The following PPM1E variants were observed in gnomAD, a reference collection of about 807,000 sequenced individuals.
PPM1E encodes the protein protein phosphatase 1E.
Under a neutral mutation model 65.9 loss-of-function variants are expected in PPM1E, and 20 were observed. The observed-to-expected ratio is 0.30, with a 90% CI of 0.21 to 0.44. The LOEUF is 0.44. Ranked by LOEUF, PPM1E falls within the 20% of genes least tolerant of loss-of-function variation. The pLI, the probability that PPM1E is intolerant of heterozygous loss-of-function variation, is 1.00. For synonymous variants in PPM1E, 352 were observed against 374.9 expected (o/e 0.94, Z 0.70); for missense variants, 713 against 953.1 (o/e 0.75, Z 3.32).
intron 1 of PPM1E, among the ~76,000 whole-genome samples, chr17:58,793,869 G>A (rs1246582340): frequency 6.6e-6 from 1 of 151,482 alleles, no homozygotes; most frequent in African/African-American, 2.4e-5. Context: ...TTTGCGACAG[G>A]GTTTCACTCT....
chr17:58,838,684 C>G (rs183356750), intron 1 of PPM1E, among the ~76,000 whole-genome samples: 1 of 152,152 alleles, frequency 6.6e-6, no homozygotes, highest in Non-Finnish European at 1.5e-5. Context: ...ATAGACATAC[C>G]CAGTTGAGTT....
intron 1 of PPM1E, among the ~76,000 whole-genome samples, chr17:58,868,269 A>G (rs2051028026): frequency 1.3e-5 from 2 of 152,224 alleles, no homozygotes; most frequent in Non-Finnish European, 2.9e-5. Flanking sequence ...CAGTGAGCCA[A>G]GATTGCACTA....
chr17:58,924,082 CT>C (rs2051792108), intron 1 of PPM1E, among the ~76,000 whole-genome samples: 2 of 151,610 alleles, frequency 1.3e-5, no homozygotes, highest in Non-Finnish European at 2.9e-5. Flanking sequence ...CCATGCCTGG[CT>C]AATTTTTGTA....
intron 1 of PPM1E, among the ~76,000 whole-genome samples, chr17:58,874,225 C>T (rs2051104754): frequency 6.6e-6 from 1 of 152,008 alleles, no homozygotes; most frequent in African/African-American, 2.4e-5. Flanking sequence ...GGTTGGGGCA[C>T]AAAAATAGAG....
Position 58,756,031 on chromosome 17 carries a change from C to G in PPM1E, c.34C>G (p.Arg12Gly). Reference protein sequence around the residue: ...AGCIPEEKTYRRFLELFLGEF... With the variant: ...AGCIPEEKTYGRFLELFLGEF... ...CTGCATCCCTGAGGAGAAAACTTAC[C>G]GGCGCTTCCTGGAGCTATTCCTGGG... Residue 12 changes from arginine to glycine, a missense_variant, in exon 1 of 7, where the codon CGG becomes GGG. By Grantham distance (125) the Arg-to-Gly change is moderately radical. Transcript: ENST00000308249. 6.2e-7 allele frequency: 1 copy of G among 1,614,024 alleles called. No homozygotes were observed. The highest frequency in any genetic ancestry group is 2.2e-5 in the East Asian group (1 of 44,856).
At chr17:58,895,703 C>T (rs987167193) in intron 1 of PPM1E, among the ~76,000 whole-genome samples, 42 of 151,980 alleles carry the variant, frequency 2.8e-4, no homozygotes, top group African/African-American at 9.2e-4. Flanking sequence ...CTCAGCTACT[C>T]GGGAGGCTTA....
intron 1 of PPM1E, among the ~76,000 whole-genome samples, chr17:58,781,830 G>A (rs927019334): frequency 6.6e-6 from 1 of 151,792 alleles, no homozygotes; most frequent in Non-Finnish European, 1.5e-5. Context: ...AGGTTGCAGT[G>A]AGCCAAGATC....
At chr17:58,843,110 C>T (rs1330407788) in intron 1 of PPM1E, among the ~76,000 whole-genome samples, 1 of 151,798 alleles carries the variant, frequency 6.6e-6, no homozygotes, top group Non-Finnish European at 1.5e-5. Flanking sequence ...ATGGCGAAAC[C>T]TTGTCTCTAC....
intron 1 of PPM1E, among the ~76,000 whole-genome samples, chr17:58,835,223 CCCAG>C (rs2050643322): frequency 1.3e-5 from 2 of 152,042 alleles, no homozygotes; most frequent in African/African-American, 4.8e-5. Flanking sequence ...TGCCTGTAGT[CCCAG>C]CTACTGGGGA....
chr17:58,821,363 G>T (rs532701298), intron 1 of PPM1E, among the ~76,000 whole-genome samples: 2 of 152,300 alleles, frequency 1.3e-5, no homozygotes, highest in South Asian at 4.1e-4. Context: ...GCCCGTCTCG[G>T]CCTCCCAAAG....
chr17:58,910,010 CT>C (rs2051607788), intron 1 of PPM1E, among the ~76,000 whole-genome samples: 1 of 127,614 alleles, frequency 7.8e-6, no homozygotes, highest in Non-Finnish European at 1.6e-5. Context: ...TCAAGTGATT[CT>C]CCTGCCTCAG....
At chr17:58,875,818 C>A (rs1254901270) in intron 1 of PPM1E, among the ~76,000 whole-genome samples, 1 of 152,034 alleles carries the variant, frequency 6.6e-6, no homozygotes, top group Non-Finnish European at 1.5e-5. Flanking sequence ...GAAAACACAG[C>A]TCATCAAAGA....
At chr17:58,945,984 T>C (rs1418809910) in intron 1 of PPM1E, among the ~76,000 whole-genome samples, 1 of 152,114 alleles carries the variant, frequency 6.6e-6, no homozygotes, top group Non-Finnish European at 1.5e-5. Flanking sequence ...AAATAATTAT[T>C]AAGTCAATCT....
At chr17:58,858,489 T>A (rs2050906482) in intron 1 of PPM1E, among the ~76,000 whole-genome samples, 1 of 152,122 alleles carries the variant, frequency 6.6e-6, no homozygotes, top group South Asian at 2.1e-4. Flanking sequence ...GCCTCTAATA[T>A]TTTCTGTTCC....
intron 1 of PPM1E, among the ~76,000 whole-genome samples, chr17:58,946,939 T>C (rs2052159169): frequency 6.6e-6 from 1 of 152,020 alleles, no homozygotes; most frequent in South Asian, 2.1e-4. Flanking sequence ...AGTTTTCTTT[T>C]AGGAGTTTTA....
chr17:58,870,695 T>C (rs1004030273), intron 1 of PPM1E, among the ~76,000 whole-genome samples: 1 of 152,178 alleles, frequency 6.6e-6, no homozygotes, highest in African/African-American at 2.4e-5. Flanking sequence ...TTGGCCACTG[T>C]AATTTGGGGT....
intron 1 of PPM1E, among the ~76,000 whole-genome samples, chr17:58,864,255 C>T (rs937645876): frequency 1.3e-5 from 2 of 152,116 alleles, no homozygotes; most frequent in Non-Finnish European, 2.9e-5. Context: ...CTTTTGTCCA[C>T]GACAAGTTCT....
Position 58,970,517 on chromosome 17 carries a change from C to T in PPM1E, c.972+790C>T, listed in dbSNP as rs76524595. On this transcript the variant is annotated intron_variant, in intron 4 of 6. Coordinates refer to ENST00000308249, the MANE Select transcript of PPM1E (RefSeq NM_014906.5). Reference sequence around the variant, plus strand: ...TCCTGCCCTGTGACTTAAACATTAACTCTTTTTAAAATGGGCTTGGAGAGA... The same window carrying T: ...TCCTGCCCTGTGACTTAAACATTAATTCTTTTTAAAATGGGCTTGGAGAGA... Among the ~76,000 whole-genome samples the T allele has an allele frequency of 2.6e-3, 401 of 152,218 alleles. 13 individuals are homozygous for T. The East Asian group carries it at 0.071, about 27-fold the overall frequency.
chr17:58,930,227 C>T (rs1160461499), intron 1 of PPM1E, among the ~76,000 whole-genome samples: 2 of 149,780 alleles, frequency 1.3e-5, no homozygotes, highest in Admixed American at 6.7e-5. Context: ...AAAACCCCAC[C>T]TCTACAATAA....
Sources: allele counts gnomAD v4.1 joint callset (sites outside exome capture counted in the v4.1 genomes callset), GRCh38; gene constraint gnomAD v4.1.1; transcripts MANE v1.5; gene names NCBI Gene and HGNC (gene_info 2026-07-23, HGNC 2026-07-21).